Variants in BACH1 observed in about 807,000 individuals in gnomAD.
BACH1 encodes transcription regulator protein BACH1.
BACH1 carries 35 observed loss-of-function variants against 52.9 expected under a neutral mutation model. That is an observed-to-expected ratio of 0.66 (90% CI 0.51 to 0.88). The LOEUF is 0.88. Among genes scored for constraint, BACH1 ranks in the 40% least tolerant of loss-of-function variants. The pLI is 0.00. For synonymous variants in BACH1, 321 were observed against 319.6 expected (o/e 1.00, Z -0.05); for missense variants, 808 against 872.6 (o/e 0.93, Z 0.93).
chr21:29,319,253 T>G (rs1244590927), intron 1 of BACH1, among the ~76,000 whole-genome samples: 2 of 152,120 alleles, frequency 1.3e-5, no homozygotes, highest in Non-Finnish European at 2.9e-5. Context: ...TAACAAACAT[T>G]ATGGGAAGGA....
chr21:29,329,068 G>A (rs2088950865), intron 3 of BACH1, among the ~76,000 whole-genome samples: 1 of 152,192 alleles, frequency 6.6e-6, no homozygotes, highest in Non-Finnish European at 1.5e-5. Context: ...AACACCTTGG[G>A]AGGCTGAGGT....
intron 4 of BACH1, among the ~76,000 whole-genome samples, chr21:29,333,551 A>C (rs1182519649): frequency 6.6e-6 from 1 of 152,200 alleles, no homozygotes; most frequent in African/African-American, 2.4e-5. Context: ...ATATTAATAG[A>C]TTCACAGTAT....
At chr21:29,330,129 T>C (rs2088963342) in intron 4 of BACH1, among the ~76,000 whole-genome samples, 1 of 152,156 alleles carries the variant, frequency 6.6e-6, no homozygotes, top group African/African-American at 2.4e-5. Flanking sequence ...TAATATCTAA[T>C]GGGATCCTAA....
intron 2 of BACH1, among the ~76,000 whole-genome samples, chr21:29,354,743 G>A (rs1013172052): frequency 3.9e-5 from 6 of 152,188 alleles, no homozygotes; most frequent in South Asian, 2.1e-4. Flanking sequence ...GCTGTGTGGC[G>A]CCCATGTGGT....
At chr21:29,320,071 T>C (rs1421657888) in intron 1 of BACH1, among the ~76,000 whole-genome samples, 1 of 152,204 alleles carries the variant, frequency 6.6e-6, no homozygotes, top group African/African-American at 2.4e-5. Context: ...TCCTTAACCT[T>C]GGGACTGAAC....
At position 29,326,584 on chromosome 21, in the gene BACH1, C is replaced by T; in HGVS notation, c.760C>T (p.Gln254Ter). ...TGTCAAAGACATTCATGCTTCTGTT[C>T]AGCCAAATGAAAGGTCTGAAAATGA... ...SSVKDIHASV[Q>*]PNERSENECL... is the part of the protein sequence containing the mutation. Residue 254 changes from glutamine (Q) to a stop codon, truncating the protein, a stop_gained, in exon 3 of 5, where the codon CAG becomes TAG. Coordinates refer to ENST00000286800, the MANE Select transcript of BACH1 (RefSeq NM_001186.4). LOFTEE classifies it high-confidence loss of function. The T allele has an allele frequency of 6.2e-7, 1 of 1,614,208 alleles. No homozygotes were observed.
chr21:29,325,746 AT>A (rs924652003), intron 2 of BACH1, among the ~76,000 whole-genome samples: 314 of 150,216 alleles, frequency 2.1e-3, no homozygotes, highest in African/African-American at 6.5e-3. Flanking sequence ...TTCATAGATG[AT>A]TTTTTTTTTC....
chr21:29,305,152 A>T (rs749895555), intron 1 of BACH1: 8 of 151,900 alleles, frequency 5.3e-5, no homozygotes, highest in Non-Finnish European at 1.2e-4. Flanking sequence ...GTAAGAAAAA[A>T]AAAAGCTTTT....
chr21:29,322,035 G>A (rs1030938728), intron 2 of BACH1, among the ~76,000 whole-genome samples: 2 of 152,184 alleles, frequency 1.3e-5, no homozygotes, highest in Admixed American at 6.5e-5. Context: ...GACTTACGTG[G>A]TGGTGGGCAA....
chr21:29,333,863 C>T (rs1372074250), intron 4 of BACH1, among the ~76,000 whole-genome samples: 1 of 152,148 alleles, frequency 6.6e-6, no homozygotes, highest in East Asian at 1.9e-4. Flanking sequence ...TGTGAGTTAG[C>T]ATTTAGTAAA....
intron 2 of BACH1, among the ~76,000 whole-genome samples, chr21:29,354,196 T>C (rs569670771): frequency 1.3e-5 from 2 of 152,256 alleles, no homozygotes; most frequent in East Asian, 3.9e-4. Context: ...TTTGGTGTGG[T>C]TGCATGCCAT....
intron 1 of BACH1, among the ~76,000 whole-genome samples, chr21:29,309,878 C>T (rs1208279981): frequency 2.6e-5 from 4 of 152,108 alleles, no homozygotes; most frequent in East Asian, 1.9e-4. Context: ...CAGAGGGCTT[C>T]GTGAGACAGA....
Position 29,321,226 on chromosome 21 carries a change from T to C in BACH1, c.-55T>C. Reference sequence around the variant, plus strand: ...TCTTGCATGTGTGTTTGCAGGTTGATGATAATTAGAAGCATGCTTTCCACT... The same window carrying C: ...TCTTGCATGTGTGTTTGCAGGTTGACGATAATTAGAAGCATGCTTTCCACT... On this transcript the variant is annotated 5_prime_UTR_variant, in exon 2 of 5. It removes an upstream start codon present in the reference 5' UTR. Transcript: ENST00000286800. The C allele has an allele frequency of 7.0e-7, 1 of 1,422,758 alleles. No individual in the cohort carries two copies. The highest frequency in any genetic ancestry group is 9.9e-7 in the Non-Finnish European group (1 of 1,009,444). The allele number at this position is 1,422,758 out of a possible 1,614,324, so 88.1% of individuals were successfully genotyped here.
chr21:29,304,118 G>GTTTTTTTTTTTTTTTTTTT (rs566871344), intron 1 of BACH1, among the ~76,000 whole-genome samples: 1 of 146,178 alleles, frequency 6.8e-6, no homozygotes. Flanking sequence ...GTTATTCCCA[G>GTTTTTTTTTTTTTTTTTTT]TTTTTTTTTT....
intron 4 of BACH1, among the ~76,000 whole-genome samples, chr21:29,335,566 T>G (rs1362732156): frequency 1.3e-5 from 2 of 152,176 alleles, no homozygotes; most frequent in East Asian, 1.9e-4. Flanking sequence ...TTCTAAAAAT[T>G]TCAAGCTTTC....
chr21:29,326,541 C>T lies in BACH1; in HGVS notation c.717C>T (p.Val239=), dbSNP rs1400945590. Residue 239 remains valine (V), a synonymous_variant, in exon 3 of 5, where the codon GTC becomes GTT. Transcript: ENST00000286800. ...AAAAAGCATTTGGAACTGACAGAGT[C>T]CGTACTGGGGAATCTAGTGTCAAAG... ...KFQKAFGTDR[V]RTGESSVKDI... 5.0e-6 allele frequency: 8 copies of T among 1,614,032 alleles called. No homozygotes were observed. The highest frequency in any genetic ancestry group is 1.3e-5 in the African/African-American group (1 of 74,900).
intron 4 of BACH1, among the ~76,000 whole-genome samples, chr21:29,340,764 A>G (rs1043068567): frequency 6.6e-6 from 1 of 152,298 alleles, no homozygotes; most frequent in East Asian, 1.9e-4. Flanking sequence ...CTGAGAGACC[A>G]TAAAAAGAAA....
chr21:29,327,803 A>G (rs1479923848), intron 3 of BACH1, among the ~76,000 whole-genome samples: 2 of 152,260 alleles, frequency 1.3e-5, no homozygotes, highest in African/African-American at 4.8e-5. Flanking sequence ...CCTAGGAGAC[A>G]GAGCAAGACT....
intron 1 of BACH1, among the ~76,000 whole-genome samples, chr21:29,308,491 T>C (rs1010953727): frequency 2.0e-5 from 3 of 152,200 alleles, no homozygotes; most frequent in Admixed American, 6.5e-5. Context: ...TTTTATACTC[T>C]TAAGCACCTC....
Sources: gnomAD v4.1 joint callset for allele counts (sites outside exome capture counted in the v4.1 genomes callset) on GRCh38, gnomAD v4.1.1 for gene constraint, MANE v1.5 for transcripts, NCBI Gene and HGNC (gene_info 2026-07-23, HGNC 2026-07-21) for gene names.